ERC1: variants seen among roughly 807,000 people sequenced by gnomAD.
The protein encoded by ERC1 is RAB6 interacting protein 2.
Under a neutral mutation model 132.0 loss-of-function variants are expected in ERC1, and 56 were observed. The observed-to-expected ratio is 0.42, with a 90% CI of 0.34 to 0.53. The LOEUF (loss-of-function observed/expected upper bound fraction) is 0.53, where lower values mean the gene tolerates loss of function less well. Among genes scored for constraint, ERC1 ranks in the 20% least tolerant of loss-of-function variants. The pLI, the probability that ERC1 is intolerant of heterozygous loss-of-function variation, is 0.03. For synonymous variants in ERC1, 478 were observed against 476.1 expected (o/e 1.00, Z -0.05); for missense variants, 1,202 against 1,349.9 (o/e 0.89, Z 1.72).
At chr12:993,131 A>T (rs945584505) in intron 1 of ERC1, among the ~76,000 whole-genome samples, 3 of 152,200 alleles carry the variant, frequency 2.0e-5, no homozygotes, top group African/African-American at 7.2e-5. Context: ...TGTGTGTTCC[A>T]ATTTTTAATT....
chr12:1,348,553 C>T (rs1037423718), intron 15 of ERC1, among the ~76,000 whole-genome samples: 1 of 151,970 alleles, frequency 6.6e-6, no homozygotes, highest in African/African-American at 2.4e-5. Context: ...ATTAGCTGGG[C>T]GTGGTGGCAG....
chr12:1,040,880 C>A (rs1165035805), intron 2 of ERC1, among the ~76,000 whole-genome samples: 1 of 152,106 alleles, frequency 6.6e-6, no homozygotes, highest in Non-Finnish European at 1.5e-5. Context: ...AGCTTATGTA[C>A]TTTCAGAGAA....
chr12:1,423,178 C>T (rs538396746), intron 17 of ERC1, among the ~76,000 whole-genome samples: 81 of 152,290 alleles, frequency 5.3e-4, no homozygotes, highest in African/African-American at 1.7e-3. Flanking sequence ...CCTGGCCAAC[C>T]TCTAACCAGG....
At chr12:1,051,479 G>A (rs905769739) in intron 2 of ERC1, among the ~76,000 whole-genome samples, 5 of 150,274 alleles carry the variant, frequency 3.3e-5, no homozygotes, top group African/African-American at 5.0e-5. Flanking sequence ...CACTTGAGGC[G>A]AGGAGTTTGA....
At chr12:1,403,263 CA>C (rs2091225116) in intron 16 of ERC1, among the ~76,000 whole-genome samples, 1 of 152,064 alleles carries the variant, frequency 6.6e-6, no homozygotes, top group Non-Finnish European at 1.5e-5. Flanking sequence ...TCGTTGGGAC[CA>C]GGGGTTTCAT....
chr12:994,061 C>T (rs985571073), intron 1 of ERC1, among the ~76,000 whole-genome samples: 12 of 97,998 alleles, frequency 1.2e-4, no homozygotes, highest in African/African-American at 3.4e-4. Flanking sequence ...GGCAAAACTC[C>T]GTCTCAAAAA....
chr12:1,029,514 T>G (rs997675419), intron 2 of ERC1, among the ~76,000 whole-genome samples: 9 of 152,298 alleles, frequency 5.9e-5, no homozygotes, highest in African/African-American at 2.2e-4. Context: ...GTGTGATTGT[T>G]TACTTGTAGA....
chr12:1,318,286 T>C (rs765047859), intron 15 of ERC1, among the ~76,000 whole-genome samples: 8 of 152,248 alleles, frequency 5.3e-5, no homozygotes, highest in Non-Finnish European at 1.0e-4. Context: ...TACCTGCCAG[T>C]TGGAATTAGA....
At chr12:1,112,486 T>C (rs1442142014) in intron 6 of ERC1, among the ~76,000 whole-genome samples, 188 bp downstream of exon 6, 2 of 152,242 alleles carry the variant, frequency 1.3e-5, no homozygotes, top group African/African-American at 4.8e-5. Flanking sequence ...CATGTCACTT[T>C]GTGTGCAGTG....
rs553153121 is a variant in ERC1, at chr12:1,316,937, A to C, written c.2780+26925A>C. Among the ~76,000 whole-genome samples, 24 of 152,282 alleles carry C rather than the reference A, an allele frequency of 1.6e-4. 1 individual carries two copies. The South Asian group carries it at 5.0e-3, about 32-fold the overall frequency. ...CACTTTGGGAGGCCGAGGCGGGTGG[A>C]TCACCTGAGGTCAGGAGTTCAAGAC... On this transcript the variant is annotated intron_variant, in intron 15 of 18. Transcript: ENST00000360905.
chr12:1,469,243 G>C lies in ERC1; in HGVS notation c.3214-20850G>C, dbSNP rs1210900209. Among the ~76,000 whole-genome samples, 10 of 152,354 alleles carry C rather than the reference G, an allele frequency of 6.6e-5. No individual in the cohort carries two copies. In the South Asian group the frequency reaches 1.0e-3, roughly 16 times the overall value. On this transcript the variant is annotated intron_variant, in intron 18 of 18. Coordinates refer to ENST00000360905, the MANE Select transcript of ERC1 (RefSeq NM_178040.4). ...GCCTTGAGCCCAGCTCTTGAGCACTGTCTGGTGTGGCACCCTGCAGGCTGC... is the reference window on the plus strand; with the variant it reads ...GCCTTGAGCCCAGCTCTTGAGCACTCTCTGGTGTGGCACCCTGCAGGCTGC...
chr12:1,077,043 C>G (rs1452648527), intron 2 of ERC1, among the ~76,000 whole-genome samples: 2 of 152,128 alleles, frequency 1.3e-5, no homozygotes, highest in Non-Finnish European at 2.9e-5. Context: ...TTGCGTGTTA[C>G]ATTAATAAAG....
chr12:1,026,057 A>G (rs1313686931), intron 1 of ERC1, among the ~76,000 whole-genome samples: 2 of 152,116 alleles, frequency 1.3e-5, no homozygotes, highest in Non-Finnish European at 2.9e-5. Flanking sequence ...TGGTCTCCCA[A>G]ATTGCTGGAA....
At position 1,371,872 on chromosome 12, in the gene ERC1, C is replaced by T. The variant is rs35478691; in HGVS notation, c.2820C>T (p.Ala940=). Residue 940 remains alanine (A), a synonymous_variant, in exon 16 of 19, where the codon GCC becomes GCT. Transcript: ENST00000360905. ...TGGCTGCCATTAGTGAAAAAGACGC[C>T]AATATAGCTCTCTTGGAGCTTTCGT... ...ALLAAISEKD[A]NIALLELSSS... 0.032 allele frequency: 50,899 copies of T among 1,613,850 alleles called. 915 individuals carry two copies. The highest frequency in any genetic ancestry group is 0.066 in the Middle Eastern group (396 of 5,978).
intron 1 of ERC1, among the ~76,000 whole-genome samples, chr12:996,757 AG>A (rs1256776196): frequency 6.6e-6 from 1 of 152,220 alleles, no homozygotes; most frequent in African/African-American, 2.4e-5. Context: ...CACAGTTAAA[AG>A]TCTCTCCTAT....
chr12:1,394,037 AAAAAAAACC>A lies in ERC1; in HGVS notation c.2926-14110_2926-14102del, dbSNP rs1420573002. 6.3e-4 allele frequency among the ~76,000 whole-genome samples: 54 copies of A among 86,114 alleles called. 2 individuals are homozygous for A. The highest frequency in any genetic ancestry group is 2.2e-3 in the African/African-American group (51 of 22,814). 56.5% of individuals were successfully genotyped at this position (86,114 alleles called of 152,430 possible). ...TCTCAAAAAAAAAAAAAAAAAACAAAAAAAAAACCACAAAGCATTAAGCAATTTAATTTC... is the reference window on the plus strand; with the variant it reads ...TCTCAAAAAAAAAAAAAAAAAACAAAACAAAGCATTAAGCAATTTAATTTC... On this transcript the variant is annotated intron_variant, in intron 16 of 18. Coordinates refer to ENST00000360905, the MANE Select transcript of ERC1 (RefSeq NM_178040.4).
chr12:1,335,882 T>TTTGGTTGG (rs140091838), intron 15 of ERC1, among the ~76,000 whole-genome samples: 24 of 151,816 alleles, frequency 1.6e-4, no homozygotes, highest in Admixed American at 6.6e-4. Flanking sequence ...TGTTTATTTA[T>TTTGGTTGG]TTGGTTGGTT....
At chr12:1,342,424 G>A (rs926388455) in intron 15 of ERC1, among the ~76,000 whole-genome samples, 21 of 148,150 alleles carry the variant, frequency 1.4e-4, no homozygotes, top group African/African-American at 4.7e-4. Flanking sequence ...CCAAGATTGC[G>A]CCATCGCACT....
intron 2 of ERC1, among the ~76,000 whole-genome samples, chr12:1,058,466 T>A (rs1380193369): frequency 1.3e-5 from 2 of 152,186 alleles, no homozygotes; most frequent in Admixed American, 6.5e-5. Flanking sequence ...TTTCCCAAAG[T>A]ATGGTTTTGG....
Sources: gnomAD v4.1 joint callset for allele counts (sites outside exome capture counted in the v4.1 genomes callset) on GRCh38, gnomAD v4.1.1 for gene constraint, MANE v1.5 for transcripts, NCBI Gene and HGNC (gene_info 2026-07-23, HGNC 2026-07-21) for gene names.